ZNF484: variants seen among roughly 807,000 people sequenced by gnomAD.
The protein encoded by ZNF484 is KRAB box containing C2H2 type zinc finger bA526D8.4.
Under a neutral mutation model 12.9 loss-of-function variants are expected in ZNF484, and 11 were observed. The ratio of observed to expected loss-of-function variants is 0.85; its 90% CI spans 0.54 to 1.41. ZNF484 has a LOEUF of 1.41. Ranked by LOEUF, ZNF484 falls within the 40% of genes most tolerant of loss-of-function variation. ZNF484 has a pLI of 0.00. For synonymous variants in ZNF484, 289 were observed against 334.1 expected, an observed-to-expected ratio of 0.86 and a Z score of 1.47; for missense variants, 807 against 1,007.7, an observed-to-expected ratio of 0.80 and a Z score of 2.70.
chr9:92,863,281 T>G (rs1487517140), intron 2 of ZNF484, among the ~76,000 whole-genome samples: 72 of 78,776 alleles, frequency 9.1e-4, no homozygotes, highest in Admixed American at 1.3e-3. Context: ...GGGTGGGGGG[T>G]GGGAGAGCAT....
At position 92,847,210 on chromosome 9, in the gene ZNF484, C is replaced by A. The variant is rs2131586417; in HGVS notation, c.1577G>T (p.Cys526Phe). 1 of 1,614,124 alleles carries A rather than the reference C, an allele frequency of 6.2e-7. No individual in the cohort carries two copies. Among genetic ancestry groups the A allele is most frequent in the Admixed American group, 1.7e-5 (1 of 60,020 alleles). ...KIHTGEKPYK[C>F]SDCGKSFTWK... is the part of the protein sequence containing the mutation. Reference sequence around the variant, plus strand: ...GGTGAATGATTTTCCACAGTCGCTGCATTTATAAGGTTTCTCTCCAGTATG... The same window carrying A: ...GGTGAATGATTTTCCACAGTCGCTGAATTTATAAGGTTTCTCTCCAGTATG... Residue 526 changes from cysteine to phenylalanine, a missense_variant, in exon 5 of 5, where the codon TGC becomes TTC. Coordinates refer to ENST00000375495, the MANE Select transcript of ZNF484 (RefSeq NM_031486.4).
intron 2 of ZNF484, among the ~76,000 whole-genome samples, chr9:92,857,395 G>A (rs1282567988): frequency 6.6e-6 from 1 of 152,152 alleles, no homozygotes; most frequent in Non-Finnish European, 1.5e-5. Context: ...GGCTGCAGCT[G>A]GGTGACAGAG....
At chr9:92,862,617 G>A (rs111316613) in intron 2 of ZNF484, among the ~76,000 whole-genome samples, 212 of 129,560 alleles carry the variant, frequency 1.6e-3, no homozygotes, top group African/African-American at 6.0e-3. Context: ...TCTGTATGCA[G>A]TGAAGGAAAG....
At chr9:92,869,308 CA>C (rs1857292684) in intron 2 of ZNF484, among the ~76,000 whole-genome samples, 2 of 152,062 alleles carry the variant, frequency 1.3e-5, no homozygotes, top group East Asian at 3.8e-4. Context: ...TTAAGCCAGA[CA>C]CTTATAATTT....
chr9:92,848,513 A>C lies in ZNF484; in HGVS notation c.274T>G (p.Ser92Ala). 6.2e-7 allele frequency: 1 copy of C among 1,609,850 alleles called. No individual in the cohort carries two copies. The highest frequency in any genetic ancestry group is 8.5e-7 in the Non-Finnish European group (1 of 1,179,248). Residue 92 changes from serine (S) to alanine (A), a missense_variant, in exon 5 of 5, where the codon TCT becomes GCT. By Grantham distance (99) the Ser-to-Ala change is moderately conservative. Coordinates refer to ENST00000375495, the MANE Select transcript of ZNF484 (RefSeq NM_031486.4). The surrounding 1 kb of genome is among the most constrained non-coding windows in gnomAD (Gnocchi z 4.1). Reference protein sequence around the residue: ...IGFGPLQQRMSEEVSFQSEIN... With the variant: ...IGFGPLQQRMAEEVSFQSEIN... ...TCAGACTGGAAAGAAACTTCTTCAG[A>C]CATCCTCTGTTGTAAAGGTCCAAAA...
intron 1 of ZNF484, among the ~76,000 whole-genome samples, chr9:92,875,602 A>C (rs908894590): frequency 4.6e-5 from 7 of 152,240 alleles, no homozygotes; most frequent in African/African-American, 1.4e-4. Flanking sequence ...TCTACCAATC[A>C]ATCCCACATC....
In ZNF484 at chr9:92,846,332, G is replaced by C; in HGVS notation, c.2455C>G (p.Leu819Val). 6.2e-7 allele frequency: 1 copy of C among 1,614,172 alleles called. No homozygotes were observed. Among genetic ancestry groups the C allele is most frequent in the Non-Finnish European group, 8.5e-7 (1 of 1,180,008 alleles). ...LGKALNWKPQLSMPQKSDNGE... is the reference protein window; with the variant it reads ...LGKALNWKPQVSMPQKSDNGE... ...TTGTCAGATTTCTGAGGCATACTGA[G>C]TTGTGGCTTCCAGTTTAAGGCTTTC... is the stretch of plus-strand genomic sequence containing the variant. Residue 819 changes from leucine (L) to valine (V), a missense_variant, in exon 5 of 5, where the codon CTC becomes GTC. Transcript: ENST00000375495.
chr9:92,854,157 G>A (rs1294452683), intron 4 of ZNF484, among the ~76,000 whole-genome samples: 1 of 152,078 alleles, frequency 6.6e-6, no homozygotes, highest in Non-Finnish European at 1.5e-5. Context: ...AAAAATGAAG[G>A]ATACAGAATG....
intron 2 of ZNF484, among the ~76,000 whole-genome samples, chr9:92,858,852 G>A (rs1441033862): frequency 2.0e-5 from 3 of 152,252 alleles, no homozygotes; most frequent in South Asian, 2.1e-4. Flanking sequence ...TAGGCCGGGC[G>A]TGGTGGCTCA....
intron 2 of ZNF484, among the ~76,000 whole-genome samples, chr9:92,867,156 C>G (rs567740381): frequency 1.3e-5 from 2 of 152,244 alleles, no homozygotes; most frequent in African/African-American, 4.8e-5. Flanking sequence ...TCGAGACCAG[C>G]CTGACTGGAG....
At chr9:92,873,793 T>C (rs10821035) in intron 2 of ZNF484, among the ~76,000 whole-genome samples, 62,950 of 151,474 alleles carry the variant, frequency 0.42, 14,018 homozygotes, top group African/African-American at 0.57. Flanking sequence ...TTTTATGAGG[T>C]CAGGGTTATC....
At position 92,846,652 on chromosome 9, in the gene ZNF484, C is replaced by A. The variant is rs772453518; in HGVS notation, c.2135G>T (p.Arg712Ile). ...ATAGGGTTTCTCTCCTGTATGAATT[C>A]TCTGATGCATAATTAGTGTTGATTT... ...ARKSTLIMHQ[R>I]IHTGEKPYIC... is the part of the protein sequence containing the mutation. Residue 712 changes from arginine (R) to isoleucine (I), a missense_variant, in exon 5 of 5, where the codon AGA becomes ATA. Arg to Ile is a moderately conservative substitution (Grantham distance 97). Coordinates refer to ENST00000375495, the MANE Select transcript of ZNF484 (RefSeq NM_031486.4). 5 of 1,613,584 alleles carry A rather than the reference C, an allele frequency of 3.1e-6. No homozygotes were observed. The highest frequency in any genetic ancestry group is 4.2e-6 in the Non-Finnish European group (5 of 1,179,946).
At chr9:92,864,610 A>G (rs866544545) in intron 2 of ZNF484, among the ~76,000 whole-genome samples, 13 of 152,360 alleles carry the variant, frequency 8.5e-5, no homozygotes, top group Non-Finnish European at 1.5e-4. Flanking sequence ...CTGGGTTGCA[A>G]TTACAGACTC....
intron 1 of ZNF484, 151 bp downstream of exon 1, chr9:92,877,739 C>T: frequency 2.1e-5 from 32 of 1,518,800 alleles, no homozygotes; most frequent in Middle Eastern, 3.4e-4. Flanking sequence ...CCTCAGTGCC[C>T]CCTCACTCCT....
chr9:92,869,748 G>A (rs1857320963), intron 2 of ZNF484, among the ~76,000 whole-genome samples: 1 of 152,118 alleles, frequency 6.6e-6, no homozygotes, highest in Admixed American at 6.5e-5. Context: ...TTAGACATAT[G>A]AAAGTAAACA....
rs1282465409 is a variant in ZNF484 at position 92,848,877 on chromosome 9, C to G, written c.236-326G>C. 2.0e-5 allele frequency among the ~76,000 whole-genome samples: 3 copies of G among 151,308 alleles called. No individual in the cohort carries two copies. Among genetic ancestry groups the G allele is most frequent in the Admixed American group, 2.0e-4 (3 of 15,134 alleles). ...TGAGCTGAAATTGCGCCATTGCACT[C>G]TAGTCTGGGTGACAGAGCAAGACTC... is the stretch of plus-strand genomic sequence containing the variant. On this transcript the variant is annotated intron_variant, in intron 4 of 4. Transcript: ENST00000375495. The surrounding 1 kb of genome is among the most constrained non-coding windows in gnomAD (Gnocchi z 4.1).
At chr9:92,874,521 AG>A (rs1857674184) in intron 2 of ZNF484, among the ~76,000 whole-genome samples, 1 of 152,018 alleles carries the variant, frequency 6.6e-6, no homozygotes, top group African/African-American at 2.4e-5. Flanking sequence ...CTTGTTGGCC[AG>A]GTTGGTCTGG....
In ZNF484 at chr9:92,847,856, C is replaced by G; in HGVS notation, c.931G>C (p.Asp311His). 6.2e-7 allele frequency: 1 copy of G among 1,614,180 alleles called. No individual in the cohort carries two copies. Among genetic ancestry groups the G allele is most frequent in the Non-Finnish European group, 8.5e-7 (1 of 1,180,036 alleles). ...TGACGGTTTGACTTGAGGGAAAAAT[C>G]CTTCTCATATTCAGTGCATATTCCT... ...YAGICTEYEKDFSLKSNRQKT... is the reference protein window; with the variant it reads ...YAGICTEYEKHFSLKSNRQKT... The change falls in exon 5 of 5, where the codon GAT becomes CAT. Residue 311 changes from aspartate to histidine, a missense_variant. Transcript: ENST00000375495.
chr9:92,877,910 C>T lies in ZNF484; in HGVS notation c.-51G>A. The T allele has an allele frequency of 6.5e-7, 1 of 1,528,532 alleles. No homozygotes were observed. Among genetic ancestry groups the T allele is most frequent in the Non-Finnish European group, 8.8e-7 (1 of 1,140,514 alleles). 94.7% of individuals were successfully genotyped at this position (1,528,532 alleles called of 1,614,324 possible). On this transcript the variant is annotated 5_prime_UTR_variant, in exon 1 of 5. Transcript: ENST00000375495. ...CTCACCTGCCCCTCACCCACGTCCT[C>T]TCAGGACAGTGGTCATTTGCCTCGG...
Sources: gnomAD v4.1 joint callset for allele counts (sites outside exome capture counted in the v4.1 genomes callset) on GRCh38, gnomAD v4.1.1 for gene constraint, Gnocchi (gnomAD v3.1) non-coding constraint, MANE v1.5 for transcripts, NCBI Gene and HGNC (gene_info 2026-07-23, HGNC 2026-07-21) for gene names.